ASIC2: variants seen among roughly 807,000 people sequenced by gnomAD.
ASIC2 encodes acid sensing ion channel subunit 2.
In ASIC2, 25 loss-of-function variants were observed where a neutral mutation model predicts 57.3. The observed-to-expected ratio is 0.44, with a 90% CI of 0.32 to 0.61. ASIC2 has a LOEUF of 0.61. Ranked by LOEUF, ASIC2 falls within the 20% of genes least tolerant of loss-of-function variation. The pLI is 0.06. For missense variants in ASIC2, 641 were observed against 738.1 expected (o/e 0.87, Z 1.52); for synonymous variants, 319 against 307.5 (o/e 1.04, Z -0.39).
intron 1 of ASIC2, among the ~76,000 whole-genome samples, chr17:34,106,093 T>G (rs976086592): frequency 3.6e-4 from 55 of 152,084 alleles, no homozygotes; most frequent in Non-Finnish European, 5.7e-4. Flanking sequence ...ACAATAACAT[T>G]TTTGAAAAAT....
At chr17:33,373,997 T>G (rs1909183235) in intron 1 of ASIC2, among the ~76,000 whole-genome samples, 2 of 151,860 alleles carry the variant, frequency 1.3e-5, no homozygotes, top group African/African-American at 4.8e-5. Flanking sequence ...TTTTTATTTA[T>G]TTATTTACTT....
chr17:33,754,957 C>CAAAAAA (rs58392305), intron 1 of ASIC2, among the ~76,000 whole-genome samples: 34 of 57,878 alleles, frequency 5.9e-4, no homozygotes, highest in East Asian at 1.5e-3. Flanking sequence ...GACTCCATCT[C>CAAAAAA]AAAAAAAAAA....
intron 1 of ASIC2, among the ~76,000 whole-genome samples, chr17:33,500,497 A>G (rs12936298): frequency 0.085 from 12,962 of 152,260 alleles, 580 homozygotes; most frequent in Middle Eastern, 0.15. Flanking sequence ...TCCAGGTCTG[A>G]CACGTGATTC....
At chr17:33,091,425 C>A (rs528877039) in intron 2 of ASIC2, among the ~76,000 whole-genome samples, 1 of 152,296 alleles carries the variant, frequency 6.6e-6, no homozygotes, top group Admixed American at 6.5e-5. Context: ...GATGCCAGAA[C>A]TTGTTTTCGA....
At chr17:34,129,268 G>A (rs1300225558) in intron 1 of ASIC2, among the ~76,000 whole-genome samples, 1 of 152,158 alleles carries the variant, frequency 6.6e-6, no homozygotes, top group Non-Finnish European at 1.5e-5. Context: ...GAAACTGGCA[G>A]AGATGACTTT....
rs143614062 is a variant in ASIC2 at position 33,527,191 on chromosome 17, G to A, written c.556-415124C>T. Among the ~76,000 whole-genome samples the A allele has an allele frequency of 5.8e-3, 887 of 152,292 alleles. 7 individuals are homozygous for A. The highest frequency in any genetic ancestry group is 9.3e-3 in the Non-Finnish European group (630 of 68,030). ...CTTCAGATGTGTGTGCCAGGGAGGA[G>A]GAGATGGACAGTAGGGTGCACTGTC... On this transcript the variant is annotated intron_variant, in intron 1 of 9. Transcript: ENST00000359872.
chr17:33,718,620 G>A (rs997014193), intron 1 of ASIC2, among the ~76,000 whole-genome samples: 1 of 152,182 alleles, frequency 6.6e-6, no homozygotes, highest in Non-Finnish European at 1.5e-5. Context: ...GTCCTTGCGA[G>A]CAGACACCTG....
At chr17:33,260,894 A>G (rs949871120) in intron 1 of ASIC2, among the ~76,000 whole-genome samples, 2 of 152,232 alleles carry the variant, frequency 1.3e-5, no homozygotes, top group African/African-American at 4.8e-5. Flanking sequence ...GCCACGTAGC[A>G]TGATTGCAGA....
intron 1 of ASIC2, among the ~76,000 whole-genome samples, chr17:33,513,502 A>G (rs1042148470): frequency 6.6e-6 from 1 of 152,216 alleles, no homozygotes; most frequent in Non-Finnish European, 1.5e-5. Flanking sequence ...ATTTCAAAGT[A>G]GTTAAGAGTT....
rs187709881 is a variant in ASIC2, at chr17:33,729,955, C to T, written c.555+426023G>A. Among the ~76,000 whole-genome samples, 443 of 152,294 alleles carry T rather than the reference C, an allele frequency of 2.9e-3. 10 individuals carry two copies. The highest frequency in any genetic ancestry group is 0.026 in the Admixed American group (398 of 15,296). On this transcript the variant is annotated intron_variant, in intron 1 of 9. Transcript: ENST00000359872. ...GAAAAAAGCAAAGCTGGCATTTAAA[C>T]GGAGAGTCCATGATCTTCCCACACC...
chr17:33,595,567 C>A (rs1904955731), intron 1 of ASIC2, among the ~76,000 whole-genome samples: 1 of 152,224 alleles, frequency 6.6e-6, no homozygotes, highest in African/African-American at 2.4e-5. Context: ...CTTGTCACAT[C>A]TCCCAGGAAG....
chr17:33,048,143 A>G (rs551271051), intron 3 of ASIC2, among the ~76,000 whole-genome samples: 85 of 152,342 alleles, frequency 5.6e-4, no homozygotes, highest in African/African-American at 2.0e-3. Flanking sequence ...AGGACACAGC[A>G]AGAAGGTGGC....
chr17:33,544,529 C>T (rs1200088609), intron 1 of ASIC2, among the ~76,000 whole-genome samples: 1 of 152,146 alleles, frequency 6.6e-6, no homozygotes, highest in African/African-American at 2.4e-5. Context: ...AGGTTTTGTT[C>T]AGCTACATTT....
intron 1 of ASIC2, among the ~76,000 whole-genome samples, chr17:33,367,406 C>T (rs1045618070): frequency 6.6e-6 from 1 of 152,222 alleles, no homozygotes; most frequent in Admixed American, 6.5e-5. Context: ...TGAAGTACTC[C>T]TAATTTGATC....
At chr17:33,802,963 C>T (rs1302873476) in intron 1 of ASIC2, among the ~76,000 whole-genome samples, 1 of 151,132 alleles carries the variant, frequency 6.6e-6, no homozygotes, top group African/African-American at 2.4e-5. Context: ...TTCTTAAGTG[C>T]GCATAGCCAA....
intron 1 of ASIC2, among the ~76,000 whole-genome samples, chr17:34,130,725 G>A (rs1417470932): frequency 1.3e-5 from 2 of 152,224 alleles, no homozygotes; most frequent in African/African-American, 4.8e-5. Flanking sequence ...CCCAAGGGCT[G>A]GGCCCTGCAT....
intron 1 of ASIC2, among the ~76,000 whole-genome samples, chr17:33,142,064 C>T (rs979241399): frequency 6.6e-6 from 1 of 152,220 alleles, no homozygotes; most frequent in African/African-American, 2.4e-5. Flanking sequence ...AGACTACAAA[C>T]CCCTCAAGAG....
At chr17:33,485,254 G>A (rs1468232079) in intron 1 of ASIC2, among the ~76,000 whole-genome samples, 1 of 152,234 alleles carries the variant, frequency 6.6e-6, no homozygotes, top group Admixed American at 6.5e-5. Flanking sequence ...AGGGCCTAGG[G>A]AATGTAGCAG....
chr17:34,132,252 C>T (rs955184908), intron 1 of ASIC2, among the ~76,000 whole-genome samples: 1 of 152,100 alleles, frequency 6.6e-6, no homozygotes, highest in African/African-American at 2.4e-5. Context: ...AAGAACGAAG[C>T]CGGGGACCTT....
Sources: gnomAD v4.1 joint callset for allele counts (sites outside exome capture counted in the v4.1 genomes callset) on GRCh38, gnomAD v4.1.1 for gene constraint, MANE v1.5 for transcripts, NCBI Gene and HGNC (gene_info 2026-07-23, HGNC 2026-07-21) for gene names.